The following UNC5D variants were observed in gnomAD, a reference collection of about 807,000 sequenced individuals.
UNC5D encodes the protein unc-5 netrin receptor D.
Under a neutral mutation model 105.4 loss-of-function variants are expected in UNC5D, and 39 were observed. The observed-to-expected ratio is 0.37, with a 90% CI of 0.29 to 0.48. The LOEUF is 0.48. UNC5D is among the 20% of genes least tolerant of loss of function. The pLI is 0.98. For missense variants in UNC5D, 991 were observed against 1,202.4 expected, an observed-to-expected ratio of 0.82 and a Z score of 2.60; for synonymous variants, 452 against 450.4, an observed-to-expected ratio of 1.00 and a Z score of -0.04.
intron 1 of UNC5D, among the ~76,000 whole-genome samples, chr8:35,362,395 A>G (rs1469759354): frequency 1.3e-5 from 2 of 152,314 alleles, no homozygotes; most frequent in Non-Finnish European, 2.9e-5. Flanking sequence ...TGGTAACCAT[A>G]AAGTGCCTTC....
At chr8:35,336,662 A>G (rs1009806059) in intron 1 of UNC5D, among the ~76,000 whole-genome samples, 2 of 152,170 alleles carry the variant, frequency 1.3e-5, no homozygotes, top group African/African-American at 2.4e-5. Flanking sequence ...GCTTGAAAGT[A>G]GCCTGCCTAA....
chr8:35,243,170 T>C (rs1802898476), intron 1 of UNC5D, among the ~76,000 whole-genome samples: 1 of 152,192 alleles, frequency 6.6e-6, no homozygotes, highest in Non-Finnish European at 1.5e-5. Flanking sequence ...TAATTCTTGT[T>C]TTCTATTTTC....
At chr8:35,601,118 G>A (rs992859581) in intron 4 of UNC5D, among the ~76,000 whole-genome samples, 10 of 152,084 alleles carry the variant, frequency 6.6e-5, no homozygotes, top group East Asian at 3.9e-4. Flanking sequence ...GTAGATATGC[G>A]GCATTATGTC....
intron 4 of UNC5D, among the ~76,000 whole-genome samples, chr8:35,648,856 T>C (rs996650122): frequency 6.6e-6 from 1 of 152,100 alleles, no homozygotes; most frequent in East Asian, 1.9e-4. Flanking sequence ...CAGGGTATGA[T>C]ATTGTGTCAA....
intron 3 of UNC5D, among the ~76,000 whole-genome samples, chr8:35,593,768 A>C (rs1253094174): frequency 6.6e-6 from 1 of 152,082 alleles, no homozygotes; most frequent in East Asian, 2.0e-4. Context: ...CTCCAAAACA[A>C]AACAAACAAA....
chr8:35,438,315 T>C (rs549381150), intron 1 of UNC5D, among the ~76,000 whole-genome samples: 7 of 152,152 alleles, frequency 4.6e-5, no homozygotes, highest in Admixed American at 2.0e-4. Context: ...GTTAGCTACA[T>C]TTTTAAATGA....
chr8:35,259,271 GGGAGA>G (rs1385457380), intron 1 of UNC5D, among the ~76,000 whole-genome samples: 5 of 152,192 alleles, frequency 3.3e-5, no homozygotes, highest in African/African-American at 4.8e-5. Context: ...CTTCAGAGAA[GGGAGA>G]GGAGGTGGTT....
At position 35,401,129 on chromosome 8, in the gene UNC5D, A is replaced by G. The variant is rs138403583; in HGVS notation, c.104-148163A>G. ...GTAAAATACTCATAATTAAAAAGGA[A>G]ACAGTCCATTTAACCATGATAAAGA... is the stretch of plus-strand genomic sequence containing the variant. On this transcript the variant is annotated intron_variant, in intron 1 of 16. Coordinates refer to ENST00000404895, the MANE Select transcript of UNC5D (RefSeq NM_080872.4). 7.8e-4 allele frequency among the ~76,000 whole-genome samples: 119 copies of G among 152,258 alleles called. 1 individual carries two copies. The highest frequency in any genetic ancestry group is 2.8e-3 in the African/African-American group (117 of 41,556).
At chr8:35,651,736 T>C (rs759649534) in intron 4 of UNC5D, among the ~76,000 whole-genome samples, 1 of 152,210 alleles carries the variant, frequency 6.6e-6, no homozygotes, top group Non-Finnish European at 1.5e-5. Flanking sequence ...TTGTCTAGTT[T>C]TGAATTTTGT....
intron 4 of UNC5D, among the ~76,000 whole-genome samples, chr8:35,636,974 C>T (rs76788090): frequency 1.1e-4 from 17 of 152,062 alleles, no homozygotes; most frequent in South Asian, 4.1e-4. Context: ...TCTGACTGCC[C>T]GTCAAATAAC....
At chr8:35,676,614 T>G (rs369722078) in intron 4 of UNC5D, among the ~76,000 whole-genome samples, 107 of 152,352 alleles carry the variant, frequency 7.0e-4, no homozygotes, top group Non-Finnish European at 1.1e-3. Flanking sequence ...AAATAATTTC[T>G]GAACTCAGCA....
rs556586329 is a variant in UNC5D at position 35,329,080 on chromosome 8, T to A, written c.103+93193T>A. Among the ~76,000 whole-genome samples, 12 of 152,288 alleles carry A rather than the reference T, an allele frequency of 7.9e-5. No individual in the cohort carries two copies. The South Asian group carries it at 2.3e-3, about 29-fold the overall frequency. On this transcript the variant is annotated intron_variant, in intron 1 of 16. Transcript: ENST00000404895. Reference sequence around the variant, plus strand: ...TTTCTCCAATTTAAAACAATGTTTTTAGCCACTGTATCTCTTATATATCTA... The same window carrying A: ...TTTCTCCAATTTAAAACAATGTTTTAAGCCACTGTATCTCTTATATATCTA...
At chr8:35,356,783 C>T (rs1399617739) in intron 1 of UNC5D, among the ~76,000 whole-genome samples, 1 of 152,052 alleles carries the variant, frequency 6.6e-6, no homozygotes, top group Non-Finnish European at 1.5e-5. Flanking sequence ...GACTTGAACA[C>T]AAGCTCTGTG....
chr8:35,323,338 TTA>T (rs1306579000), intron 1 of UNC5D, among the ~76,000 whole-genome samples: 5 of 152,012 alleles, frequency 3.3e-5, no homozygotes, highest in Non-Finnish European at 7.4e-5. Flanking sequence ...ATTGGTGTCT[TTA>T]TGTTTTAGAT....
intron 1 of UNC5D, among the ~76,000 whole-genome samples, chr8:35,540,732 C>T (rs1371137770): frequency 1.3e-5 from 2 of 151,586 alleles, no homozygotes; most frequent in African/African-American, 4.9e-5. Flanking sequence ...GGCTTAGATC[C>T]AATTTGAGAG....
At chr8:35,303,485 A>G (rs1808112630) in intron 1 of UNC5D, among the ~76,000 whole-genome samples, 1 of 152,178 alleles carries the variant, frequency 6.6e-6, no homozygotes, top group South Asian at 2.1e-4. Context: ...ATTAGAATTA[A>G]TTACTCAAAG....
At chr8:35,314,096 A>G (rs763124722) in intron 1 of UNC5D, among the ~76,000 whole-genome samples, 1 of 152,212 alleles carries the variant, frequency 6.6e-6, no homozygotes, top group Non-Finnish European at 1.5e-5. Context: ...TGAAATTACT[A>G]AACAGATGGC....
intron 14 of UNC5D, 128 bp downstream of exon 14, chr8:35,759,597 C>A: frequency 9.2e-7 from 1 of 1,092,226 alleles, no homozygotes; most frequent in Non-Finnish European, 1.3e-6. Flanking sequence ...AAAACTGTCA[C>A]AGAAATGTAA....
At chr8:35,254,490 A>G (rs1270677236) in intron 1 of UNC5D, 5 of 152,222 alleles carry the variant, frequency 3.3e-5, no homozygotes, top group Non-Finnish European at 7.3e-5. Context: ...GATGCTAGAA[A>G]AGTTGAAGAG....
Sources: allele counts gnomAD v4.1 joint callset (sites outside exome capture counted in the v4.1 genomes callset), GRCh38; gene constraint gnomAD v4.1.1; transcripts MANE v1.5; gene names NCBI Gene and HGNC (gene_info 2026-07-23, HGNC 2026-07-21).